Variants in RBBP5 observed in about 807,000 individuals in gnomAD.
RBBP5 encodes the protein retinoblastoma-binding protein 5.
A neutral mutation model predicts 72.2 loss-of-function variants in RBBP5; 5 were observed. The ratio of observed to expected loss-of-function variants is 0.07; its 90% CI spans 0.04 to 0.15. The LOEUF is 0.15. RBBP5 is among the 10% of genes least tolerant of loss of function. The probability of loss-of-function intolerance (pLI) is 1.00; values close to 1 mark genes in which losing one functional copy is unlikely to be tolerated. For synonymous variants in RBBP5, 209 were observed against 237.2 expected (o/e 0.88, Z 1.09); for missense variants, 322 against 652.2 (o/e 0.49, Z 5.51).
intron 1 of RBBP5, among the ~76,000 whole-genome samples, chr1:205,117,999 G>A (rs573120687): frequency 1.1e-4 from 17 of 151,740 alleles, no homozygotes; most frequent in African/African-American, 1.7e-4. Flanking sequence ...TAGTAGAGAC[G>A]GGGTTTCACC....
At chr1:205,103,661 G>A (rs933413875) in intron 5 of RBBP5, among the ~76,000 whole-genome samples, 196 bp downstream of exon 5, 3 of 152,098 alleles carry the variant, frequency 2.0e-5, no homozygotes, top group Middle Eastern at 3.2e-3. Context: ...GCTTTTCTAG[G>A]TCAAATAATC....
Position 205,087,565 on chromosome 1 carries a change from A to G in RBBP5, c.*1222T>C, listed in dbSNP as rs971259105. On this transcript the variant is annotated 3_prime_UTR_variant, in exon 14 of 14. Coordinates refer to ENST00000264515, the MANE Select transcript of RBBP5 (RefSeq NM_005057.4). The stretch of plus-strand genomic sequence containing the variant: ...CTTTTAAAATATTGAAAAAAAAAAA[A>G]AAAAAAAAAAGACGATCCAGATTAA... 5 of 151,482 alleles carry G rather than the reference A, an allele frequency of 3.3e-5. No homozygotes were observed. Among genetic ancestry groups the G allele is most frequent in the African/African-American group, 4.8e-5 (2 of 41,302 alleles). The allele number at this position is 151,482 out of a possible 1,614,324, so 9.4% of individuals were successfully genotyped here.
chr1:205,121,484 G>A (rs1397241684), intron 1 of RBBP5, among the ~76,000 whole-genome samples: 1 of 152,126 alleles, frequency 6.6e-6, no homozygotes, highest in Non-Finnish European at 1.5e-5. Context: ...AACCTGTTCA[G>A]GCACCCAATT....
chr1:205,104,870 T>A (rs1655992347), intron 4 of RBBP5, among the ~76,000 whole-genome samples, 158 bp downstream of exon 4: 1 of 151,958 alleles, frequency 6.6e-6, no homozygotes, highest in Non-Finnish European at 1.5e-5. Flanking sequence ...AAGAAATGTA[T>A]TCAGTAGAGC....
intron 6 of RBBP5, among the ~76,000 whole-genome samples, chr1:205,101,020 C>G (rs1229920127): frequency 6.6e-6 from 1 of 152,194 alleles, no homozygotes; most frequent in East Asian, 1.9e-4. Context: ...GGAGGCAGAG[C>G]TCAGGTGGTA....
At chr1:205,102,414 G>T (rs1205560606) in intron 5 of RBBP5, among the ~76,000 whole-genome samples, 2 of 152,072 alleles carry the variant, frequency 1.3e-5, no homozygotes, top group African/African-American at 4.8e-5. Flanking sequence ...GTCACAAAAG[G>T]GCAAATACTA....
chr1:205,101,721 A>G lies in RBBP5; in HGVS notation c.523-12T>C. 1 of 1,580,686 alleles carries G rather than the reference A, an allele frequency of 6.3e-7. No homozygotes were observed. Among genetic ancestry groups the G allele is most frequent in the Non-Finnish European group, 8.7e-7 (1 of 1,151,888 alleles). ...TTTAGGACCAAAATCTAAAGTTTAA[A>G]GGAGGGGGGAAAAAAGTAAGTGTTC... is the stretch of plus-strand genomic sequence containing the variant. On this transcript the variant is annotated splice_polypyrimidine_tract_variant and intron_variant, in intron 5 of 13. Coordinates refer to ENST00000264515, the MANE Select transcript of RBBP5 (RefSeq NM_005057.4).
chr1:205,108,307 T>C (rs1558578738), intron 3 of RBBP5, among the ~76,000 whole-genome samples: 1 of 152,140 alleles, frequency 6.6e-6, no homozygotes, highest in Non-Finnish European at 1.5e-5. Context: ...ATTTTAACAC[T>C]GTCTTATGTG....
In RBBP5 at chr1:205,097,043, A is replaced by C. The variant is rs546793343; in HGVS notation, c.1167-132T>G. 11 of 800,030 alleles carry C rather than the reference A, an allele frequency of 1.4e-5. No individual in the cohort carries two copies. The East Asian group carries it at 2.9e-4, about 21-fold the overall frequency. 49.6% of individuals were successfully genotyped at this position (800,030 alleles called of 1,614,324 possible). ...ATCTAGAACTTTAAGAAAGCCAAGAAGAATAAAAGGGAATCAAACAATGTA... is the reference window on the plus strand; with the variant it reads ...ATCTAGAACTTTAAGAAAGCCAAGACGAATAAAAGGGAATCAAACAATGTA... On this transcript the variant is annotated intron_variant, in intron 11 of 13. Coordinates refer to ENST00000264515, the MANE Select transcript of RBBP5 (RefSeq NM_005057.4).
chr1:205,106,482 A>G (rs995899443), intron 3 of RBBP5, among the ~76,000 whole-genome samples: 2 of 152,184 alleles, frequency 1.3e-5, no homozygotes, highest in Non-Finnish European at 2.9e-5. Context: ...CTGTAGTCCC[A>G]GCTACTCGGG....
intron 13 of RBBP5, among the ~76,000 whole-genome samples, 177 bp from the exon 14 acceptor site, chr1:205,088,992 AAAC>A (rs1244163817): frequency 1.3e-5 from 2 of 152,162 alleles, no homozygotes; most frequent in Non-Finnish European, 2.9e-5. Flanking sequence ...ATTGAACAAA[AAAC>A]AATCCAAATC....
At chr1:205,101,509 G>A (rs1655820833) in intron 6 of RBBP5, 91 bp downstream of exon 6, 1 of 897,358 alleles carries the variant, frequency 1.1e-6, no homozygotes, top group Non-Finnish European at 1.7e-6. Context: ...AAATGCTTAA[G>A]TATAATATAC....
In RBBP5 at chr1:205,094,983, T is replaced by C; in HGVS notation, c.1478A>G (p.Lys493Arg). Residue 493 changes from lysine (K) to arginine (R), a missense_variant, in exon 13 of 14, where the codon AAA (lysine) becomes AGA (arginine). This residue lies in a region of RBBP5 where 109 missense variants were observed against 146.3 expected (regional missense o/e 0.75). Coordinates refer to ENST00000264515, the MANE Select transcript of RBBP5 (RefSeq NM_005057.4). ...CGGTTTAAATGGAGAATCTTTCTCTTTACCTTTTGATCCTTTAGGCCGGCC... is the reference window on the plus strand; with the variant it reads ...CGGTTTAAATGGAGAATCTTTCTCTCTACCTTTTGATCCTTTAGGCCGGCC... ...QAGRPKGSKG[K>R]EKDSPFKPKL... 1 of 1,614,120 alleles carries C rather than the reference T, an allele frequency of 6.2e-7. No homozygotes were observed. The highest frequency in any genetic ancestry group is 8.5e-7 in the Non-Finnish European group (1 of 1,180,020).
rs1655626783 is a variant in RBBP5, at chr1:205,096,568, C to G, written c.1396+114G>C. 3 of 923,014 alleles carry G rather than the reference C, an allele frequency of 3.3e-6. No homozygotes were observed. In the South Asian group the frequency reaches 4.9e-5, roughly 15 times the overall value. 57.2% of individuals were successfully genotyped at this position (923,014 alleles called of 1,614,324 possible). A position where few individuals can be genotyped will look rare whatever the true frequency, so the allele number is the denominator to read the frequency against. On this transcript the variant is annotated intron_variant, in intron 12 of 13. Coordinates refer to ENST00000264515, the MANE Select transcript of RBBP5 (RefSeq NM_005057.4). ...GTTGTAAAACACTATAAAACAGACT[C>G]ATGGGAAAATTCCTCTAAGGTGAAA...
At chr1:205,108,734 G>C (rs1656181755) in intron 3 of RBBP5, among the ~76,000 whole-genome samples, 1 of 152,148 alleles carries the variant, frequency 6.6e-6, no homozygotes, top group African/African-American at 2.4e-5. Context: ...TGGCTCAAAA[G>C]TCAGACTTCT....
intron 13 of RBBP5, among the ~76,000 whole-genome samples, chr1:205,094,241 G>T (rs754987961): frequency 6.6e-6 from 1 of 152,066 alleles, no homozygotes; most frequent in East Asian, 1.9e-4. Context: ...CTGTCTTTTT[G>T]ATCATCTCCT....
In RBBP5 at chr1:205,105,195, C is replaced by T. The variant is rs779304817; in HGVS notation, c.219-27G>A. The T allele has an allele frequency of 2.5e-6, 4 of 1,599,320 alleles. No individual in the cohort carries two copies. In the Admixed American group the frequency reaches 5.0e-5, roughly 20 times the overall value. ...TGAGGAAAAAAAAGGGGTAATTTAG[C>T]ACATATTCTAAGTATATCATACCAC... On this transcript the variant is annotated intron_variant, in intron 3 of 13. Coordinates refer to ENST00000264515, the MANE Select transcript of RBBP5 (RefSeq NM_005057.4).
intron 13 of RBBP5, among the ~76,000 whole-genome samples, chr1:205,089,961 C>A (rs1655279104): frequency 1.3e-5 from 2 of 152,192 alleles, no homozygotes. Flanking sequence ...AAACGATTCT[C>A]CTGCCTCAAC....
chr1:205,101,688 A>G lies in RBBP5; in HGVS notation c.544T>C (p.Ser182Pro). 6.2e-7 allele frequency: 1 copy of G among 1,613,490 alleles called. No individual in the cohort carries two copies. Among genetic ancestry groups the G allele is most frequent in the Non-Finnish European group, 8.5e-7 (1 of 1,179,742 alleles). The part of the protein sequence containing the change: ...KGKILVLKTD[S>P]QDLVASFRVT... ...CTGAAGGAAGCAACAAGATCCTGAG[A>G]ATCTGTTTTTAGGACCAAAATCTAA... The change falls in exon 6 of 14, where the codon TCT (serine) becomes CCT (proline). Residue 182 changes from serine to proline, a missense_variant. Around this residue, in one of 6 missense-constraint regions of RBBP5, gnomAD observed 161 missense variants for 327.8 expected, o/e 0.49. Coordinates refer to ENST00000264515, the MANE Select transcript of RBBP5 (RefSeq NM_005057.4).
Sources: gnomAD v4.1 joint callset for allele counts (sites outside exome capture counted in the v4.1 genomes callset) on GRCh38, gnomAD v4.1.1 for gene constraint, gnomAD v4.1.1 regional missense constraint, MANE v1.5 for transcripts, NCBI Gene and HGNC (gene_info 2026-07-23, HGNC 2026-07-21) for gene names.